The following PHKB variants were observed in gnomAD, a reference collection of about 807,000 sequenced individuals.
PHKB encodes phosphorylase kinase regulatory subunit beta, also known as phosphorylase b kinase regulatory subunit beta.
PHKB carries 122 observed loss-of-function variants against 152.1 expected under a neutral mutation model. The ratio of observed to expected loss-of-function variants is 0.80; its 90% CI spans 0.69 to 0.93. The LOEUF (loss-of-function observed/expected upper bound fraction) is 0.93. PHKB is among the 40% of genes least tolerant of loss of function. The pLI is 0.00. For missense variants in PHKB, 1,304 were observed against 1,328.4 expected (o/e 0.98, Z 0.29); for synonymous variants, 436 against 464.9 (o/e 0.94, Z 0.80).
At chr16:47,472,737 G>A (rs1190240568) in intron 1 of PHKB, among the ~76,000 whole-genome samples, 3 of 152,096 alleles carry the variant, frequency 2.0e-5, no homozygotes, top group Middle Eastern at 3.4e-3. Flanking sequence ...AGCCGAGATC[G>A]TGCCACTGCA....
intron 7 of PHKB, chr16:47,566,586 G>T (rs1597090855): frequency 6.6e-7 from 1 of 1,519,554 alleles, no homozygotes; most frequent in Non-Finnish European, 9.1e-7. Flanking sequence ...CACATCATAG[G>T]GTAGGTTCCC....
At chr16:47,691,337 G>C (rs559043566) in intron 27 of PHKB, among the ~76,000 whole-genome samples, 1 of 152,244 alleles carries the variant, frequency 6.6e-6, no homozygotes, top group South Asian at 2.1e-4. Flanking sequence ...ATTTGAATTA[G>C]ATCCATAGAT....
intron 1 of PHKB, among the ~76,000 whole-genome samples, chr16:47,470,134 A>T (rs923672674): frequency 1.3e-5 from 2 of 152,232 alleles, no homozygotes; most frequent in African/African-American, 4.8e-5. Context: ...ACACACACAC[A>T]GAAATACAGA....
intron 24 of PHKB, 174 bp downstream of exon 24, chr16:47,663,908 C>T: frequency 1.6e-6 from 1 of 636,138 alleles, no homozygotes; most frequent in Non-Finnish European, 2.8e-6. Context: ...CCCCCCACTG[C>T]CTCCACCAAA....
intron 7 of PHKB, among the ~76,000 whole-genome samples, chr16:47,569,948 A>T (rs1971630957): frequency 6.6e-6 from 1 of 151,776 alleles, no homozygotes; most frequent in Non-Finnish European, 1.5e-5. Context: ...GATGTTTAGA[A>T]CTCCATTGAG....
chr16:47,631,243 A>G (rs887122735), intron 14 of PHKB, among the ~76,000 whole-genome samples: 5 of 152,190 alleles, frequency 3.3e-5, no homozygotes, highest in African/African-American at 1.2e-4. Context: ...TTGATTTCAG[A>G]CCTGGACATA....
At chr16:47,593,631 A>G (rs1423279636) in intron 11 of PHKB, 74 bp downstream of exon 11, 2 of 870,946 alleles carry the variant, frequency 2.3e-6, no homozygotes, top group Non-Finnish European at 3.9e-6. Flanking sequence ...AGTGGTTTAA[A>G]GAAGAGCAGA....
At chr16:47,497,514 T>C in intron 2 of PHKB, 26 bp downstream of exon 2, 1 of 1,291,694 alleles carries the variant, frequency 7.7e-7, no homozygotes, top group African/African-American at 1.4e-5. Flanking sequence ...GGAAAACGTG[T>C]CCTTAGGTAT....
intron 1 of PHKB, among the ~76,000 whole-genome samples, chr16:47,472,490 T>C (rs2151628798): frequency 6.6e-6 from 1 of 151,932 alleles, no homozygotes; most frequent in South Asian, 2.1e-4. Flanking sequence ...CTACAAAAAA[T>C]ACAAAAATTA....
At chr16:47,698,164 A>G (rs1290499152) in intron 29 of PHKB, among the ~76,000 whole-genome samples, 1 of 152,214 alleles carries the variant, frequency 6.6e-6, no homozygotes, top group Non-Finnish European at 1.5e-5. Flanking sequence ...GGTATCATGT[A>G]TTATGTACAT....
intron 1 of PHKB, chr16:47,462,223 A>T (rs1969577306): frequency 6.6e-6 from 1 of 152,270 alleles, no homozygotes; most frequent in South Asian, 2.1e-4. Context: ...GAAAGGCGGA[A>T]TGCAGGTTTT....
At chr16:47,536,456 T>A (rs1259961673) in intron 6 of PHKB, among the ~76,000 whole-genome samples, 1 of 152,218 alleles carries the variant, frequency 6.6e-6, no homozygotes. Context: ...AGTTTACATT[T>A]CTGAGCTCAG....
chr16:47,621,077 C>T (rs1972609795), intron 14 of PHKB, among the ~76,000 whole-genome samples: 1 of 152,086 alleles, frequency 6.6e-6, no homozygotes, highest in African/African-American at 2.4e-5. Context: ...TGATTCACTG[C>T]AGTATAATCT....
intron 1 of PHKB, among the ~76,000 whole-genome samples, chr16:47,467,199 A>C (rs1969683933): frequency 6.6e-6 from 1 of 152,236 alleles, no homozygotes; most frequent in Non-Finnish European, 1.5e-5. Context: ...ATATACAACA[A>C]ATATGATTTC....
intron 7 of PHKB, among the ~76,000 whole-genome samples, chr16:47,574,915 T>G (rs1031708685): frequency 1.3e-5 from 2 of 152,238 alleles, no homozygotes; most frequent in Non-Finnish European, 2.9e-5. Flanking sequence ...TATATTCTTT[T>G]TATTTCCTTT....
chr16:47,568,450 C>T (rs776676227), intron 7 of PHKB, among the ~76,000 whole-genome samples: 29 of 152,050 alleles, frequency 1.9e-4, no homozygotes, highest in Non-Finnish European at 3.5e-4. Flanking sequence ...AGTGGTCTGT[C>T]ATTTTTGTTT....
chr16:47,532,580 A>C (rs1262945403), intron 6 of PHKB, among the ~76,000 whole-genome samples: 1 of 152,130 alleles, frequency 6.6e-6, no homozygotes, highest in East Asian at 1.9e-4. Context: ...GCTGCAACGG[A>C]GTGGGCAGCT....
intron 14 of PHKB, among the ~76,000 whole-genome samples, chr16:47,638,165 G>A (rs1222183993): frequency 6.6e-6 from 1 of 152,166 alleles, no homozygotes; most frequent in East Asian, 1.9e-4. Context: ...TAAGTCACCT[G>A]AGGATGTCTT....
At position 47,527,079 on chromosome 16, in the gene PHKB, A is replaced by T. The variant is rs539578318; in HGVS notation, c.594+11478A>T. On this transcript the variant is annotated intron_variant, in intron 6 of 30. Coordinates refer to ENST00000323584, the MANE Select transcript of PHKB (RefSeq NM_000293.3). ...CTATCTCTAGGAAAGCACTAAGGGGATGGTGCTAAACCATTTATAAGAAAT... is the reference window on the plus strand; with the variant it reads ...CTATCTCTAGGAAAGCACTAAGGGGTTGGTGCTAAACCATTTATAAGAAAT... Among the ~76,000 whole-genome samples, 4 of 152,250 alleles carry T rather than the reference A, an allele frequency of 2.6e-5. No individual in the cohort carries two copies. The East Asian group carries it at 7.7e-4, about 29-fold the overall frequency.
Sources: gnomAD v4.1 joint callset for allele counts (sites outside exome capture counted in the v4.1 genomes callset) on GRCh38, gnomAD v4.1.1 for gene constraint, MANE v1.5 for transcripts, NCBI Gene and HGNC (gene_info 2026-07-23, HGNC 2026-07-21) for gene names.